Variants in CDK14 observed in about 807,000 individuals in gnomAD.
The protein encoded by CDK14 is cyclin dependent kinase 14, also known as cyclin-dependent kinase 14.
A neutral mutation model predicts 60.7 loss-of-function variants in CDK14; 34 were observed. The ratio of observed to expected loss-of-function variants is 0.56; its 90% CI spans 0.43 to 0.75. CDK14 has a LOEUF of 0.75. Ranked by LOEUF, CDK14 falls within the 30% of genes least tolerant of loss-of-function variation. CDK14 has a pLI of 0.00. For missense variants in CDK14, 482 were observed against 564.1 expected (o/e 0.85, Z 1.47); for synonymous variants, 197 against 203.7 (o/e 0.97, Z 0.28).
At chr7:90,759,525 A>G (rs1211689103) in intron 4 of CDK14, among the ~76,000 whole-genome samples, 1 of 152,188 alleles carries the variant, frequency 6.6e-6, no homozygotes, top group Non-Finnish European at 1.5e-5. Flanking sequence ...GGTTGTTGAA[A>G]ATAAGAGCTA....
At chr7:90,978,315 G>T (rs2115597540) in intron 9 of CDK14, among the ~76,000 whole-genome samples, 1 of 152,130 alleles carries the variant, frequency 6.6e-6, no homozygotes, top group Admixed American at 6.6e-5. Flanking sequence ...TTTTAAGGAA[G>T]AAAAAAGTTC....
chr7:91,062,169 G>A (rs990417136), intron 11 of CDK14, among the ~76,000 whole-genome samples: 3 of 152,150 alleles, frequency 2.0e-5, no homozygotes, highest in Admixed American at 1.3e-4. Flanking sequence ...AGCAATGACC[G>A]AGGCTCCATG....
chr7:90,621,604 C>T (rs569329807), intron 2 of CDK14, among the ~76,000 whole-genome samples: 10 of 151,294 alleles, frequency 6.6e-5, no homozygotes, highest in Admixed American at 3.3e-4. Flanking sequence ...TCCCATAATT[C>T]AGACTTTTTT....
chr7:91,115,466 C>T (rs754046737), intron 13 of CDK14, among the ~76,000 whole-genome samples: 1 of 152,118 alleles, frequency 6.6e-6, no homozygotes, highest in Non-Finnish European at 1.5e-5. Context: ...CCTCCTAAGG[C>T]CCCATCTCCA....
chr7:90,808,372 A>G (rs965115572), intron 5 of CDK14, among the ~76,000 whole-genome samples: 3 of 152,252 alleles, frequency 2.0e-5, no homozygotes, highest in South Asian at 2.1e-4. Context: ...ACTAAGCTTC[A>G]TAAGTAAAGG....
At chr7:90,949,135 ATAT>A (rs1454221265) in intron 8 of CDK14, among the ~76,000 whole-genome samples, 1 of 152,094 alleles carries the variant, frequency 6.6e-6, no homozygotes, top group Non-Finnish European at 1.5e-5. Context: ...TTATATTAAA[ATAT>A]TATTTCTGTT....
intron 8 of CDK14, among the ~76,000 whole-genome samples, chr7:90,928,763 C>G (rs150455604): frequency 6.6e-6 from 1 of 152,162 alleles, no homozygotes; most frequent in East Asian, 1.9e-4. Context: ...CAGACAGGGA[C>G]GTTTAAGTCT....
chr7:90,755,585 C>A (rs1804021332), intron 4 of CDK14, among the ~76,000 whole-genome samples: 1 of 152,060 alleles, frequency 6.6e-6, no homozygotes, highest in Non-Finnish European at 1.5e-5. Flanking sequence ...ATATGATAAA[C>A]CTGTACATGT....
intron 14 of CDK14, among the ~76,000 whole-genome samples, chr7:91,182,595 A>G (rs529349185): frequency 1.2e-4 from 18 of 152,202 alleles, no homozygotes; most frequent in African/African-American, 3.1e-4. Flanking sequence ...AGGGACAGGG[A>G]TAGAAGGTAG....
At position 91,209,027 on chromosome 7, in the gene CDK14, A is replaced by G. The variant is rs1562995508; in HGVS notation, c.*1891A>G. 1.3e-5 allele frequency: 2 copies of G among 152,638 alleles called. No individual in the cohort carries two copies. The highest frequency in any genetic ancestry group is 4.1e-4 in the South Asian group (2 of 4,830). 9.5% of individuals were successfully genotyped at this position (152,638 alleles called of 1,614,324 possible). A position where few individuals can be genotyped will look rare whatever the true frequency, so the allele number is the denominator to read the frequency against. On this transcript the variant is annotated 3_prime_UTR_variant, in exon 15 of 15. Coordinates refer to ENST00000380050, the MANE Select transcript of CDK14 (RefSeq NM_001287135.2). ...TAAATTAGGATTTCTTAAAGAAAAC[A>G]TAGGGAGAAAACTTTACATGCAATT... is the stretch of plus-strand genomic sequence containing the variant.
At chr7:91,195,940 C>T (rs1802524079) in intron 14 of CDK14, among the ~76,000 whole-genome samples, 1 of 152,230 alleles carries the variant, frequency 6.6e-6, no homozygotes, top group African/African-American at 2.4e-5. Context: ...AACAGGCAAA[C>T]ATGTGTCTGT....
At chr7:90,798,739 A>G (rs142717598) in intron 5 of CDK14, among the ~76,000 whole-genome samples, 1 of 152,352 alleles carries the variant, frequency 6.6e-6, no homozygotes, top group East Asian at 1.9e-4. Context: ...ATGTCCAAAG[A>G]TGTACTTTGA....
chr7:90,957,824 A>G (rs370669754), intron 9 of CDK14, among the ~76,000 whole-genome samples: 14 of 152,104 alleles, frequency 9.2e-5, no homozygotes, highest in African/African-American at 3.4e-4. Flanking sequence ...GCTACCAATG[A>G]CTTTCTTCAC....
chr7:91,018,210 TC>T (rs1333699005), intron 10 of CDK14, among the ~76,000 whole-genome samples: 10 of 152,140 alleles, frequency 6.6e-5, no homozygotes, highest in Non-Finnish European at 1.3e-4. Flanking sequence ...GGGTGTGAGC[TC>T]CCCATTCTTC....
intron 14 of CDK14, among the ~76,000 whole-genome samples, chr7:91,167,957 C>T (rs947500534): frequency 6.6e-6 from 1 of 152,048 alleles, no homozygotes; most frequent in Admixed American, 6.6e-5. Flanking sequence ...GAAGAGGGTG[C>T]TATAACCTAA....
chr7:90,890,551 A>T (rs151295785), intron 6 of CDK14, among the ~76,000 whole-genome samples: 1 of 152,126 alleles, frequency 6.6e-6, no homozygotes, highest in Non-Finnish European at 1.5e-5. Context: ...AATGATTCTC[A>T]TGTATTGGAA....
chr7:90,618,755 G>A (rs1799704859), intron 2 of CDK14, among the ~76,000 whole-genome samples: 1 of 152,182 alleles, frequency 6.6e-6, no homozygotes, highest in African/African-American at 2.4e-5. Flanking sequence ...AGTTCTGCAA[G>A]TATTTACATT....
At chr7:91,094,019 T>C (rs1185515271) in intron 12 of CDK14, among the ~76,000 whole-genome samples, 1 of 152,056 alleles carries the variant, frequency 6.6e-6, no homozygotes, top group Non-Finnish European at 1.5e-5. Flanking sequence ...CACTGGGGAC[T>C]ATTGGGAGGA....
intron 11 of CDK14, among the ~76,000 whole-genome samples, chr7:91,065,078 A>G (rs1584281869): frequency 6.6e-6 from 1 of 152,190 alleles, no homozygotes; most frequent in African/African-American, 2.4e-5. Context: ...TTTAATGAAT[A>G]CAGTAGAACA....
Sources: allele counts gnomAD v4.1 joint callset (sites outside exome capture counted in the v4.1 genomes callset), GRCh38; gene constraint gnomAD v4.1.1; transcripts MANE v1.5; gene names NCBI Gene and HGNC (gene_info 2026-07-23, HGNC 2026-07-21).